Variants in SLC25A31 observed in about 807,000 individuals in gnomAD.
SLC25A31 encodes the protein ADP/ATP translocase 4.
SLC25A31 carries 40 observed loss-of-function variants against 36.2 expected under a neutral mutation model. The observed-to-expected ratio is 1.10, with a 90% CI of 0.86 to 1.44. The LOEUF (loss-of-function observed/expected upper bound fraction) is 1.44, where lower values mean the gene tolerates loss of function less well. SLC25A31 is among the 40% of genes most tolerant of loss of function. The pLI is 0.00. For missense variants in SLC25A31, 350 were observed against 397.1 expected (o/e 0.88, Z 1.01); for synonymous variants, 143 against 149.7 (o/e 0.96, Z 0.32).
intron 2 of SLC25A31, among the ~76,000 whole-genome samples, chr4:127,750,071 A>G (rs1731899801): frequency 6.6e-6 from 1 of 152,210 alleles, no homozygotes; most frequent in South Asian, 2.1e-4. Flanking sequence ...AGCCAAGAAT[A>G]TTACACCTGG....
At chr4:127,747,671 C>A (rs1230456056) in intron 2 of SLC25A31, among the ~76,000 whole-genome samples, 1 of 152,124 alleles carries the variant, frequency 6.6e-6, no homozygotes, top group African/African-American at 2.4e-5. Flanking sequence ...TTGTGAAATG[C>A]ATAGCATAGT....
chr4:127,759,543 C>A (rs1002036790), intron 2 of SLC25A31, among the ~76,000 whole-genome samples: 2 of 152,092 alleles, frequency 1.3e-5, no homozygotes, highest in Non-Finnish European at 2.9e-5. Context: ...TGTCTAGGAA[C>A]AAACTTTTGA....
intron 3 of SLC25A31, 43 bp from the exon 4 acceptor site, chr4:127,767,023 G>C: frequency 6.6e-7 from 1 of 1,522,414 alleles, no homozygotes; most frequent in Non-Finnish European, 8.9e-7. Flanking sequence ...GTGTTTATTG[G>C]ATATATAATG....
intron 5 of SLC25A31, among the ~76,000 whole-genome samples, chr4:127,772,699 A>G (rs1732385684): frequency 6.6e-6 from 1 of 152,010 alleles, no homozygotes; most frequent in Non-Finnish European, 1.5e-5. Flanking sequence ...AATTTAGGTA[A>G]GAGGTTTTGT....
intron 2 of SLC25A31, among the ~76,000 whole-genome samples, chr4:127,761,422 C>G (rs1732126516): frequency 6.6e-6 from 1 of 152,030 alleles, no homozygotes; most frequent in African/African-American, 2.4e-5. Flanking sequence ...CTCAGATTAC[C>G]TCAGGAAAAA....
At chr4:127,749,708 CAAAAAA>C (rs34540386) in intron 2 of SLC25A31, among the ~76,000 whole-genome samples, 1 of 106,156 alleles carries the variant, frequency 9.4e-6, no homozygotes, top group Non-Finnish European at 1.9e-5. Context: ...GACTCCATCT[CAAAAAA>C]AAAAAAAAAA....
chr4:127,770,435 G>C (rs1042994537), intron 5 of SLC25A31, among the ~76,000 whole-genome samples: 1 of 152,070 alleles, frequency 6.6e-6, no homozygotes. Flanking sequence ...GACCATCCTG[G>C]CTAACACGGT....
chr4:127,743,820 C>T (rs368052801), intron 1 of SLC25A31, among the ~76,000 whole-genome samples: 39 of 152,282 alleles, frequency 2.6e-4, no homozygotes, highest in African/African-American at 4.8e-4. Flanking sequence ...TGAGCACTAG[C>T]GCAGTTAACT....
intron 2 of SLC25A31, among the ~76,000 whole-genome samples, chr4:127,746,728 T>C (rs1258693208): frequency 6.6e-6 from 1 of 152,238 alleles, no homozygotes; most frequent in Admixed American, 6.5e-5. Flanking sequence ...AGGTTGTCTG[T>C]TTACTCTGTT....
Position 127,730,801 on chromosome 4 carries a change from A to G in SLC25A31, c.232+24A>G, listed in dbSNP as rs771143992. The G allele has an allele frequency of 7.5e-6, 12 of 1,589,580 alleles. No homozygotes were observed. In the African/African-American group the frequency reaches 1.6e-4, roughly 21 times the overall value. On this transcript the variant is annotated intron_variant, in intron 1 of 5. Transcript: ENST00000281154. Reference sequence around the variant, plus strand: ...GGGTGCGTCAAGGCAGGCCGCCCCGACAGCCTCTCCCGGCGCCCTCGTCAG... The same window carrying G: ...GGGTGCGTCAAGGCAGGCCGCCCCGGCAGCCTCTCCCGGCGCCCTCGTCAG...
chr4:127,768,902 C>T (rs1056035836), intron 5 of SLC25A31, 25 bp downstream of exon 5: 5 of 1,553,964 alleles, frequency 3.2e-6, no homozygotes, highest in Non-Finnish European at 3.5e-6. Flanking sequence ...TGTTTCTAAG[C>T]TTAGTTGAGT....
intron 2 of SLC25A31, among the ~76,000 whole-genome samples, chr4:127,751,613 A>G (rs1024969262): frequency 6.6e-6 from 1 of 152,230 alleles, no homozygotes; most frequent in Non-Finnish European, 1.5e-5. Flanking sequence ...AGCAAAAGAA[A>G]CTACCGTCAG....
chr4:127,772,837 A>C (rs1352121086), intron 5 of SLC25A31, among the ~76,000 whole-genome samples: 13 of 147,246 alleles, frequency 8.8e-5, no homozygotes. Context: ...GCTAGAGTGC[A>C]ATGGTGTGAT....
intron 2 of SLC25A31, among the ~76,000 whole-genome samples, chr4:127,759,837 A>G (rs770710652): frequency 2.0e-5 from 3 of 152,250 alleles, no homozygotes; most frequent in East Asian, 1.9e-4. Context: ...TCAGTATACA[A>G]AAAAGGAACA....
At chr4:127,769,727 A>G (rs890959927) in intron 5 of SLC25A31, among the ~76,000 whole-genome samples, 3 of 152,216 alleles carry the variant, frequency 2.0e-5, no homozygotes, top group Non-Finnish European at 4.4e-5. Context: ...GGTTCCAGGA[A>G]TACATAGAGG....
At chr4:127,760,276 A>T (rs1732102613) in intron 2 of SLC25A31, among the ~76,000 whole-genome samples, 1 of 152,194 alleles carries the variant, frequency 6.6e-6, no homozygotes, top group Admixed American at 6.5e-5. Context: ...AAAGTTTTTT[A>T]AAAAATGGTA....
chr4:127,767,789 T>C (rs1351490983), intron 4 of SLC25A31, among the ~76,000 whole-genome samples: 1 of 152,102 alleles, frequency 6.6e-6, no homozygotes. Context: ...CTACCAATTT[T>C]TAGCTATTAC....
chr4:127,761,908 T>TG (rs1292761438), intron 2 of SLC25A31, among the ~76,000 whole-genome samples: 1 of 152,216 alleles, frequency 6.6e-6, no homozygotes, highest in Non-Finnish European at 1.5e-5. Context: ...TTCTACCAGG[T>TG]TACCAATCAT....
At chr4:127,737,285 A>G (rs1731648891) in intron 1 of SLC25A31, among the ~76,000 whole-genome samples, 2 of 152,230 alleles carry the variant, frequency 1.3e-5, no homozygotes, top group Admixed American at 6.5e-5. Flanking sequence ...CTGCTATACT[A>G]CTTTAACAGT....
Sources: allele counts gnomAD v4.1 joint callset (sites outside exome capture counted in the v4.1 genomes callset), GRCh38; gene constraint gnomAD v4.1.1; transcripts MANE v1.5; gene names NCBI Gene and HGNC (gene_info 2026-07-23, HGNC 2026-07-21).